EIF4G3: variants seen among roughly 807,000 people sequenced by gnomAD.
EIF4G3 encodes the protein eukaryotic translation initiation factor 4 gamma 3, also known as eIF-4-gamma 3.
In EIF4G3, 34 loss-of-function variants were observed where a neutral mutation model predicts 186.4. The ratio of observed to expected loss-of-function variants is 0.18; its 90% confidence interval spans 0.14 to 0.24. The LOEUF is 0.24. EIF4G3 is among the 10% of genes least tolerant of loss of function. The probability of loss-of-function intolerance (pLI) is 1.00; values close to 1 mark genes in which losing one functional copy is unlikely to be tolerated. For synonymous variants in EIF4G3, 673 were observed against 679.5 expected (o/e 0.99, Z 0.15); for missense variants, 1,536 against 1,948.5 (o/e 0.79, Z 3.99).
At chr1:20,965,408 G>A (rs901899202) in intron 12 of EIF4G3, among the ~76,000 whole-genome samples, 1 of 152,068 alleles carries the variant, frequency 6.6e-6, no homozygotes, top group African/African-American at 2.4e-5. Flanking sequence ...TACTGATTAC[G>A]CCTGCTGTGC....
chr1:21,027,193 A>AT (rs34372978), intron 4 of EIF4G3, among the ~76,000 whole-genome samples: 48,426 of 132,180 alleles, frequency 0.37, 9,667 homozygotes, highest in Non-Finnish European at 0.44. Context: ...CACACATACA[A>AT]TTTTTTTTTT....
At chr1:20,910,247 A>T (rs1231615451) in intron 14 of EIF4G3, among the ~76,000 whole-genome samples, 2 of 152,224 alleles carry the variant, frequency 1.3e-5, no homozygotes, top group African/African-American at 4.8e-5. Flanking sequence ...AATGTACATG[A>T]TTCTAAAAAT....
chr1:21,093,440 G>C (rs1304450962), intron 2 of EIF4G3, among the ~76,000 whole-genome samples: 2 of 152,178 alleles, frequency 1.3e-5, no homozygotes. Context: ...TCATTAAAAA[G>C]TCAGGAAATA....
At chr1:21,058,958 C>T (rs1055305604) in intron 3 of EIF4G3, among the ~76,000 whole-genome samples, 3 of 151,422 alleles carry the variant, frequency 2.0e-5, no homozygotes, top group East Asian at 1.9e-4. Context: ...AAATATAACA[C>T]ACACACAAAC....
At chr1:21,070,301 A>G (rs1383718119) in intron 3 of EIF4G3, among the ~76,000 whole-genome samples, 1 of 152,186 alleles carries the variant, frequency 6.6e-6, no homozygotes, top group Non-Finnish European at 1.5e-5. Context: ...TTTTTGTTAA[A>G]AAAAAGAAAA....
chr1:20,999,775 C>A, intron 6 of EIF4G3: 1 of 440,694 alleles, frequency 2.3e-6, no homozygotes, highest in South Asian at 1.6e-5. Context: ...CTATGGGTAG[C>A]TGTAAGCAAC....
At chr1:20,869,635 C>T (rs967434924) in intron 20 of EIF4G3, among the ~76,000 whole-genome samples, 3 of 151,492 alleles carry the variant, frequency 2.0e-5, no homozygotes, top group African/African-American at 7.3e-5. Context: ...ATTAGCTGGG[C>T]GTGGTGGCGG....
At position 21,030,071 on chromosome 1, in the gene EIF4G3, T is replaced by A. The variant is rs531876767; in HGVS notation, c.-67+20795A>T. On this transcript the variant is annotated intron_variant, in intron 4 of 36. Transcript: ENST00000602326. ...CAGGGTCTTGCTTTGCTGGACCAGATGTTTGAGGCCCAGGATGGCCTCAAA... is the reference window on the plus strand; with the variant it reads ...CAGGGTCTTGCTTTGCTGGACCAGAAGTTTGAGGCCCAGGATGGCCTCAAA... 2.1e-3 allele frequency among the ~76,000 whole-genome samples: 324 copies of A among 152,246 alleles called. 2 individuals carry two copies. Among genetic ancestry groups the A allele is most frequent in the African/African-American group, 7.3e-3 (303 of 41,544 alleles).
Position 20,980,444 on chromosome 1 carries a change from C to A in EIF4G3, c.383G>T (p.Arg128Leu), listed in dbSNP as rs759447516. 1 of 1,542,664 alleles carries A rather than the reference C, an allele frequency of 6.5e-7. No homozygotes were observed. The highest frequency in any genetic ancestry group is 8.7e-7 in the Non-Finnish European group (1 of 1,153,090). ...CCCAACATAAGGAGGGCCACTATGA[C>A]GGTACTAGAAAAGAGAAAGTATGAA... ...QGPQYCIPQY[R>L]HSGPPYVGPP... Residue 128 changes from arginine (R) to leucine (L), a missense_variant, in exon 10 of 37, where the codon CGT (arginine) becomes CTT (leucine). By Grantham distance (102) the Arg-to-Leu change is moderately radical. Coordinates refer to ENST00000602326, the MANE Select transcript of EIF4G3 (RefSeq NM_001391906.1).
intron 18 of EIF4G3, among the ~76,000 whole-genome samples, chr1:20,888,028 C>G (rs903504886): frequency 1.3e-5 from 2 of 152,006 alleles, no homozygotes; most frequent in African/African-American, 4.8e-5. Flanking sequence ...TTTCTGGATG[C>G]AATGAAAGGA....
chr1:21,107,546 AGGTTC>A (rs994005905), intron 2 of EIF4G3, among the ~76,000 whole-genome samples: 200 of 152,346 alleles, frequency 1.3e-3, no homozygotes, highest in African/African-American at 4.5e-3. Flanking sequence ...ATGAGTTCTG[AGGTTC>A]CAGAGCAGGG....
intron 2 of EIF4G3, among the ~76,000 whole-genome samples, chr1:21,098,174 GAGAC>G (rs1176271600): frequency 2.0e-5 from 3 of 152,116 alleles, no homozygotes; most frequent in African/African-American, 7.2e-5. Context: ...TAAGAACAAA[GAGAC>G]AGGATACAGA....
chr1:20,820,227 C>A (rs554069228), intron 33 of EIF4G3, among the ~76,000 whole-genome samples: 1 of 152,154 alleles, frequency 6.6e-6, no homozygotes, highest in Admixed American at 6.5e-5. Context: ...GCCTGACCTG[C>A]GGCTGCAGAC....
intron 2 of EIF4G3, among the ~76,000 whole-genome samples, chr1:21,107,803 C>T (rs1005635666): frequency 1.6e-4 from 25 of 151,982 alleles, no homozygotes; most frequent in African/African-American, 5.8e-4. Flanking sequence ...TTCAGCCTCC[C>T]GAGTAGCTGG....
At chr1:21,170,203 A>C (rs1256973014) in intron 2 of EIF4G3, among the ~76,000 whole-genome samples, 1 of 152,122 alleles carries the variant, frequency 6.6e-6, no homozygotes, top group Non-Finnish European at 1.5e-5. Context: ...ACAAACAAAC[A>C]AACAAACAAA....
At chr1:21,079,446 T>C (rs185015974) in intron 3 of EIF4G3, among the ~76,000 whole-genome samples, 225 of 150,640 alleles carry the variant, frequency 1.5e-3, no homozygotes, top group African/African-American at 5.1e-3. Flanking sequence ...AGCAGGAAAA[T>C]TGCTTGAGTT....
intron 2 of EIF4G3, among the ~76,000 whole-genome samples, chr1:21,096,569 A>G (rs776396721): frequency 5.9e-5 from 9 of 152,248 alleles, no homozygotes; most frequent in Non-Finnish European, 8.8e-5. Context: ...GTTGAAGTTA[A>G]CAATTCCAGT....
intron 36 of EIF4G3, among the ~76,000 whole-genome samples, chr1:20,808,410 G>A (rs938371575): frequency 2.6e-5 from 4 of 151,840 alleles, no homozygotes; most frequent in Non-Finnish European, 4.4e-5. Context: ...GGCCGGGCGC[G>A]GTGGCTCACA....
intron 27 of EIF4G3, among the ~76,000 whole-genome samples, chr1:20,853,042 A>T (rs1023398655): frequency 6.6e-6 from 1 of 152,228 alleles, no homozygotes; most frequent in Non-Finnish European, 1.5e-5. Flanking sequence ...TTATGTAAAA[A>T]ATGTTATTTT....
Sources: allele counts gnomAD v4.1 joint callset (sites outside exome capture counted in the v4.1 genomes callset), GRCh38; gene constraint gnomAD v4.1.1; transcripts MANE v1.5; gene names NCBI Gene and HGNC (gene_info 2026-07-23, HGNC 2026-07-21).